Variants in THSD4 observed in about 807,000 individuals in gnomAD.
THSD4 encodes the protein thrombospondin type 1 domain containing 4.
Under a neutral mutation model 119.0 loss-of-function variants are expected in THSD4, and 69 were observed. The ratio of observed to expected loss-of-function variants is 0.58; its 90% CI spans 0.48 to 0.71. The LOEUF is 0.71. Among genes scored for constraint, THSD4 ranks in the 30% least tolerant of loss-of-function variants. THSD4 has a pLI of 0.00. For missense variants in THSD4, 1,393 were observed against 1,391.1 expected, an observed-to-expected ratio of 1.00 and a Z score of -0.02; for synonymous variants, 524 against 540.4, an observed-to-expected ratio of 0.97 and a Z score of 0.42.
At chr15:71,172,698 T>TATATATATATATGTGAC (rs2043386465) in intron 3 of THSD4, among the ~76,000 whole-genome samples, 1 of 96,382 alleles carries the variant, frequency 1.0e-5, no homozygotes, top group African/African-American at 5.4e-5. Flanking sequence ...TATATATATA[T>TATATATATATATGTGAC]ATATATATAT....
At chr15:71,666,944 G>T (rs1354152461) in intron 8 of THSD4, among the ~76,000 whole-genome samples, 1 of 152,170 alleles carries the variant, frequency 6.6e-6, no homozygotes, top group Non-Finnish European at 1.5e-5. Flanking sequence ...GGGGGAAGAG[G>T]CCAACTCACC....
chr15:71,750,344 T>C (rs2053425444), intron 14 of THSD4, among the ~76,000 whole-genome samples: 1 of 152,198 alleles, frequency 6.6e-6, no homozygotes, highest in South Asian at 2.1e-4. Context: ...ACCATGCACC[T>C]GTTATTGAGT....
At position 71,737,448 on chromosome 15, in the gene THSD4, G is replaced by A. The variant is rs189217613; in HGVS notation, c.1631-284G>A. On this transcript the variant is annotated intron_variant, in intron 10 of 17. Transcript: ENST00000261862. ...ATTATGAGTAAAGTTGAGGATTTTT[G>A]TATGGGTTTTGGCTGTTTGTGTTTC... Among the ~76,000 whole-genome samples the A allele has an allele frequency of 2.7e-3, 409 of 152,278 alleles. 2 individuals are homozygous for A. Among genetic ancestry groups the A allele is most frequent in the African/African-American group, 9.5e-3 (395 of 41,552 alleles).
intron 6 of THSD4, among the ~76,000 whole-genome samples, chr15:71,263,790 G>T (rs1324337426): frequency 6.6e-6 from 1 of 152,202 alleles, no homozygotes; most frequent in Non-Finnish European, 1.5e-5. Flanking sequence ...TTCCAAGGGG[G>T]AAGGGAGGTA....
chr15:71,244,078 C>A (rs935351016), intron 5 of THSD4, among the ~76,000 whole-genome samples: 1 of 152,120 alleles, frequency 6.6e-6, no homozygotes, highest in African/African-American at 2.4e-5. Context: ...AGCCACCGCA[C>A]CTGGCCTGTG....
At chr15:71,620,080 A>G (rs1303365772) in intron 7 of THSD4, among the ~76,000 whole-genome samples, 6 of 152,172 alleles carry the variant, frequency 3.9e-5, no homozygotes, top group Admixed American at 3.3e-4. Context: ...TGAGAGTCCT[A>G]AGAAGGAGGC....
At chr15:71,612,284 C>CA (rs2050245164) in intron 7 of THSD4, among the ~76,000 whole-genome samples, 1 of 152,164 alleles carries the variant, frequency 6.6e-6, no homozygotes, top group Non-Finnish European at 1.5e-5. Flanking sequence ...TCTCTGAGGT[C>CA]AGTCGGATGA....
rs929188652 is a variant in THSD4 at position 71,706,913 on chromosome 15, A to G, written c.1358-21636A>G. On this transcript the variant is annotated intron_variant, in intron 8 of 17. Transcript: ENST00000261862. ...TTGTCTTTTCCTTTTTAAGGCTAGG[A>G]TAATTGGAATATGTTTCCTGGAGGA... 1.1e-4 allele frequency among the ~76,000 whole-genome samples: 16 copies of G among 152,276 alleles called. No homozygotes were observed. The East Asian group carries it at 2.3e-3, about 22-fold the overall frequency.
chr15:71,311,804 C>G (rs1199091741), intron 6 of THSD4, among the ~76,000 whole-genome samples: 1 of 152,182 alleles, frequency 6.6e-6, no homozygotes, highest in Admixed American at 6.5e-5. Flanking sequence ...CCTCTTCAGT[C>G]TGTTAGCAGG....
chr15:71,125,029 A>T (rs113057108), intron 1 of THSD4, among the ~76,000 whole-genome samples: 1 of 152,256 alleles, frequency 6.6e-6, no homozygotes, highest in African/African-American at 2.4e-5. Flanking sequence ...AGCCATGTTC[A>T]TGCAACTGCA....
Position 71,777,838 on chromosome 15 carries a change from T to C in THSD4, c.*464T>C. 5.5e-6 allele frequency: 1 copy of C among 181,822 alleles called. No homozygotes were observed. Among genetic ancestry groups the C allele is most frequent in the Non-Finnish European group, 1.2e-5 (1 of 83,980 alleles). The allele number at this position is 181,822 out of a possible 1,614,324, so 11.3% of individuals were successfully genotyped here. A position where few individuals can be genotyped will look rare whatever the true frequency, so the allele number is the denominator to read the frequency against. ...ACTAAGCCTTGCTGACACGCGTGCA[T>C]CCCTCTGTGACCTCAGCCCAGATGT... On this transcript the variant is annotated 3_prime_UTR_variant, in exon 18 of 18. Coordinates refer to ENST00000261862, the MANE Select transcript of THSD4 (RefSeq NM_024817.3).
intron 6 of THSD4, among the ~76,000 whole-genome samples, chr15:71,393,284 C>T (rs2046400686): frequency 6.6e-6 from 1 of 151,794 alleles, no homozygotes; most frequent in African/African-American, 2.4e-5. Context: ...CAGAGAGGGC[C>T]TGAAATAGTC....
At chr15:71,588,585 G>A (rs1254372910) in intron 7 of THSD4, among the ~76,000 whole-genome samples, 5 of 151,660 alleles carry the variant, frequency 3.3e-5, no homozygotes, top group East Asian at 2.0e-4. Context: ...CACCACACCC[G>A]GCTAATTTTT....
rs1018421072 is a variant in THSD4 at position 71,120,975 on chromosome 15, GAGA to G, written c.-80+5284_-80+5286del. The stretch of plus-strand genomic sequence containing the variant: ...TTTTCTTGGAGGCACAGTCAGGAGA[GAGA>G]AGAAGATTAATTTCCCATGAAAAAG... On this transcript the variant is annotated intron_variant, in intron 1 of 17. Transcript: ENST00000261862. 3.0e-4 allele frequency among the ~76,000 whole-genome samples: 45 copies of G among 152,216 alleles called. 1 individual carries two copies. The highest frequency in any genetic ancestry group is 1.7e-3 in the Admixed American group (26 of 15,288).
intron 3 of THSD4, among the ~76,000 whole-genome samples, chr15:71,183,383 T>C (rs1208386789): frequency 1.3e-5 from 2 of 151,720 alleles, no homozygotes; most frequent in African/African-American, 4.8e-5. Flanking sequence ...AGCGAAACCA[T>C]AGCAGACTCT....
chr15:71,653,150 T>C (rs1308644258), intron 7 of THSD4, among the ~76,000 whole-genome samples: 1 of 152,226 alleles, frequency 6.6e-6, no homozygotes, highest in Non-Finnish European at 1.5e-5. Flanking sequence ...TCGCAGGTAC[T>C]GTGCTCTTTG....
At chr15:71,667,223 T>C (rs2051434187) in intron 8 of THSD4, among the ~76,000 whole-genome samples, 1 of 152,238 alleles carries the variant, frequency 6.6e-6, no homozygotes, top group African/African-American at 2.4e-5. Flanking sequence ...ATTCTCCTTT[T>C]GTATGTGAAT....
intron 6 of THSD4, among the ~76,000 whole-genome samples, chr15:71,369,319 T>C (rs894348288): frequency 3.9e-5 from 6 of 152,328 alleles, no homozygotes; most frequent in African/African-American, 1.2e-4. Flanking sequence ...CAACACTATG[T>C]TGAATAGGAG....
intron 8 of THSD4, among the ~76,000 whole-genome samples, chr15:71,680,511 A>C (rs1204972766): frequency 1.3e-5 from 2 of 152,246 alleles, no homozygotes; most frequent in African/African-American, 4.8e-5. Flanking sequence ...GATTTAATCA[A>C]CTGCATTAAG....
Sources: gnomAD v4.1 joint callset for allele counts (sites outside exome capture counted in the v4.1 genomes callset) on GRCh38, gnomAD v4.1.1 for gene constraint, MANE v1.5 for transcripts, NCBI Gene and HGNC (gene_info 2026-07-23, HGNC 2026-07-21) for gene names.